The following BCAT1 variants were observed in gnomAD, a reference collection of about 807,000 sequenced individuals.
BCAT1 encodes the protein branched chain amino acid transaminase 1.
A neutral mutation model predicts 52.4 loss-of-function variants in BCAT1; 48 were observed. The ratio of observed to expected loss-of-function variants is 0.92; its 90% CI spans 0.73 to 1.16. BCAT1 has a LOEUF of 1.16. BCAT1 is among the 50% of genes most tolerant of loss of function. BCAT1 has a pLI of 0.00. For missense variants in BCAT1, 451 were observed against 457.1 expected, an observed-to-expected ratio of 0.99 and a Z score of 0.12; for synonymous variants, 167 against 161.3, an observed-to-expected ratio of 1.04 and a Z score of -0.27.
At chr12:24,912,413 G>A (rs185292215) in intron 1 of BCAT1, among the ~76,000 whole-genome samples, 3 of 152,040 alleles carry the variant, frequency 2.0e-5, no homozygotes, top group Admixed American at 6.6e-5. Context: ...CCAGCTACTC[G>A]GGAGGCTGAG....
intron 2 of BCAT1, among the ~76,000 whole-genome samples, chr12:24,900,477 A>G (rs1192346336): frequency 6.6e-6 from 1 of 152,196 alleles, no homozygotes; most frequent in African/African-American, 2.4e-5. Context: ...AGTCTCAGGT[A>G]CTTGAGAGGC....
chr12:24,863,356 T>C (rs181141129), intron 5 of BCAT1, among the ~76,000 whole-genome samples: 79 of 152,330 alleles, frequency 5.2e-4, no homozygotes, highest in South Asian at 1.2e-3. Context: ...AAATCATTGC[T>C]AACAGAAATG....
At chr12:24,943,035 G>A (rs1427149706) in intron 1 of BCAT1, among the ~76,000 whole-genome samples, 1 of 152,176 alleles carries the variant, frequency 6.6e-6, no homozygotes, top group Non-Finnish European at 1.5e-5. Context: ...AGAGCCAATA[G>A]CCCTCCACTG....
intron 10 of BCAT1, among the ~76,000 whole-genome samples, chr12:24,828,793 G>A (rs1196716746): frequency 6.6e-6 from 1 of 152,028 alleles, no homozygotes; most frequent in Non-Finnish European, 1.5e-5. Flanking sequence ...ATCACCTGAG[G>A]TCAAGAGTTC....
rs201215375 is a variant in BCAT1, at chr12:24,836,908, G to GAGAAAGAA, written c.818-320_818-313dup. Among the ~76,000 whole-genome samples the GAGAAAGAA allele has an allele frequency of 6.4e-3, 262 of 40,852 alleles. 2 individuals carry two copies. The highest frequency in any genetic ancestry group is 0.014 in the East Asian group (24 of 1,712). 26.8% of individuals were successfully genotyped at this position (40,852 alleles called of 152,430 possible). On this transcript the variant is annotated intron_variant, in intron 7 of 10. Coordinates refer to ENST00000261192, the MANE Select transcript of BCAT1 (RefSeq NM_005504.7). The stretch of plus-strand genomic sequence containing the variant: ...AAGAAAGAAAGAAAGAAAAGAAAGA[G>GAGAAAGAA]AGAAAGAAAGAAAGAAAGAAAGAAA...
At position 24,878,585 on chromosome 12, in the gene BCAT1, A is replaced by AC. The variant is rs1378186743; in HGVS notation, c.454dup (p.Val152GlyfsTer8). Reference sequence around the variant, plus strand: ...CAGACTAGCAGATGTTGAATATGGGACCCATTCTTGATCCAATTTCACAAG... The same window carrying AC: ...CAGACTAGCAGATGTTGAATATGGGACCCCATTCTTGATCCAATTTCACAAG... On this transcript the variant is annotated frameshift_variant, in exon 5 of 11. Coordinates refer to ENST00000261192, the MANE Select transcript of BCAT1 (RefSeq NM_005504.7). LOFTEE classifies it high-confidence loss of function. The AC allele has an allele frequency of 1.9e-6, 3 of 1,611,214 alleles. No homozygotes were observed. The highest frequency in any genetic ancestry group is 1.7e-4 in the Middle Eastern group (1 of 6,056).
chr12:24,937,770 G>GA (rs1943785076), intron 1 of BCAT1, among the ~76,000 whole-genome samples: 1 of 152,122 alleles, frequency 6.6e-6, no homozygotes, highest in Non-Finnish European at 1.5e-5. Context: ...ATGGGGATGA[G>GA]AAAAAACAGG....
rs1241125592 is a variant in BCAT1 at position 24,881,326 on chromosome 12, C to T, written c.365G>A (p.Arg122His). The change falls in exon 4 of 11, where the codon CGC (arginine) becomes CAC (histidine). Residue 122 changes from arginine (R) to histidine (H), a missense_variant. Transcript: ENST00000261192. Reference sequence around the variant, plus strand: ...CGGCAGAGTTGCCCTCACAGCAGAGCGATACATTCTATCCATGTTGAGGTT... The same window carrying T: ...CGGCAGAGTTGCCCTCACAGCAGAGTGATACATTCTATCCATGTTGAGGTT... ...QPNLNMDRMY[R>H]SAVRATLPVF... The T allele has an allele frequency of 1.9e-6, 3 of 1,612,180 alleles. No homozygotes were observed. The highest frequency in any genetic ancestry group is 4.5e-5 in the East Asian group (2 of 44,884).
intron 1 of BCAT1, among the ~76,000 whole-genome samples, chr12:24,916,141 A>G (rs944428716): frequency 6.6e-6 from 1 of 152,236 alleles, no homozygotes; most frequent in African/African-American, 2.4e-5. Context: ...AATGGGTGAC[A>G]GAGTGAGATT....
chr12:24,829,720 C>T, intron 10 of BCAT1, 103 bp downstream of exon 10: 7 of 927,862 alleles, frequency 7.5e-6, no homozygotes, highest in South Asian at 3.7e-5. Context: ...TTATTTAATC[C>T]TCTTCATTGA....
Position 24,815,660 on chromosome 12 carries a change from T to G in BCAT1, c.*2348A>C, listed in dbSNP as rs1939850305. 1 of 152,204 alleles carries G rather than the reference T, an allele frequency of 6.6e-6. No homozygotes were observed. The allele number at this position is 152,204 out of a possible 1,614,324, so 9.4% of individuals were successfully genotyped here. On this transcript the variant is annotated 3_prime_UTR_variant, in exon 11 of 11. Transcript: ENST00000261192. ...TATTACTTAAATGACAATGGTGGAT[T>G]GTGTTCTCCTTATCAGGAGACCTCC...
At chr12:24,917,011 GA>G (rs534992451) in intron 1 of BCAT1, among the ~76,000 whole-genome samples, 7 of 151,270 alleles carry the variant, frequency 4.6e-5, no homozygotes, top group Non-Finnish European at 8.8e-5. Context: ...TAGCTCAAAA[GA>G]AAAAAAATAT....
At chr12:24,906,215 A>T (rs1277427473) in intron 1 of BCAT1, among the ~76,000 whole-genome samples, 1 of 151,900 alleles carries the variant, frequency 6.6e-6, no homozygotes, top group Non-Finnish European at 1.5e-5. Context: ...AAAATAGATG[A>T]TATAAGGTGG....
At chr12:24,883,988 T>C (rs1942583280) in intron 3 of BCAT1, among the ~76,000 whole-genome samples, 2 of 152,174 alleles carry the variant, frequency 1.3e-5, no homozygotes, top group East Asian at 1.9e-4. Flanking sequence ...TGCTGTTCCA[T>C]AGCCTGGGGT....
intron 6 of BCAT1, among the ~76,000 whole-genome samples, chr12:24,843,749 T>A (rs912070367): frequency 6.6e-6 from 1 of 152,198 alleles, no homozygotes. Context: ...CATCTTGCCC[T>A]ACCACAACTG....
chr12:24,857,070 G>A (rs1025453981), intron 5 of BCAT1, among the ~76,000 whole-genome samples: 5 of 152,034 alleles, frequency 3.3e-5, no homozygotes, highest in Admixed American at 1.3e-4. Flanking sequence ...AATGGAGACT[G>A]TGCAGTACTG....
At chr12:24,925,467 A>T (rs1273278983) in intron 1 of BCAT1, among the ~76,000 whole-genome samples, 13 of 152,206 alleles carry the variant, frequency 8.5e-5, no homozygotes, top group Admixed American at 5.9e-4. Context: ...GATATAGATA[A>T]AGATATAAAT....
At chr12:24,838,278 CGAATAAGTTATCTT>C (rs1941066482) in intron 7 of BCAT1, among the ~76,000 whole-genome samples, 1 of 152,080 alleles carries the variant, frequency 6.6e-6, no homozygotes, top group Non-Finnish European at 1.5e-5. Flanking sequence ...AAAAAATAAA[CGAATAAGTTATCTT>C]TGCTAGGATA....
chr12:24,860,590 A>G (rs1243655259), intron 5 of BCAT1, among the ~76,000 whole-genome samples: 1 of 152,222 alleles, frequency 6.6e-6, no homozygotes, highest in Admixed American at 6.5e-5. Context: ...GGACACAATT[A>G]GAGACACTGC....
Sources: allele counts gnomAD v4.1 joint callset (sites outside exome capture counted in the v4.1 genomes callset), GRCh38; gene constraint gnomAD v4.1.1; transcripts MANE v1.5; gene names NCBI Gene and HGNC (gene_info 2026-07-23, HGNC 2026-07-21).